NCMAP: variants seen among roughly 807,000 people sequenced by gnomAD.
The protein encoded by NCMAP is noncompact myelin-associated protein.
In NCMAP, 8 loss-of-function variants were observed where a neutral mutation model predicts 7.8. The ratio of observed to expected loss-of-function variants is 1.02; its 90% CI spans 0.60 to 1.84. The LOEUF (loss-of-function observed/expected upper bound fraction) is 1.84. Among genes scored for constraint, NCMAP ranks in the 40% most tolerant of loss-of-function variants. NCMAP has a pLI of 0.00. For synonymous variants in NCMAP, 41 were observed against 52.9 expected, an observed-to-expected ratio of 0.78 and a Z score of 0.98; for missense variants, 112 against 131.4, an observed-to-expected ratio of 0.85 and a Z score of 0.72.
At chr1:24,599,792 G>A (rs1195096874) in intron 2 of NCMAP, among the ~76,000 whole-genome samples, 3 of 135,984 alleles carry the variant, frequency 2.2e-5, no homozygotes, top group Non-Finnish European at 3.1e-5. Context: ...TGGTCAGGCT[G>A]GTCTCGAACT....
intron 2 of NCMAP, among the ~76,000 whole-genome samples, chr1:24,599,700 C>A (rs1041608038): frequency 2.6e-5 from 4 of 151,996 alleles, no homozygotes; most frequent in African/African-American, 9.7e-5. Context: ...GCCTCAGCCT[C>A]CTGAGTAGCT....
At chr1:24,583,441 C>T (rs1194390867) in intron 1 of NCMAP, among the ~76,000 whole-genome samples, 10 of 152,070 alleles carry the variant, frequency 6.6e-5, no homozygotes, top group East Asian at 3.9e-4. Flanking sequence ...TTGCCAGGCA[C>T]GGTGGCTCAT....
At chr1:24,592,617 T>C (rs1652080189) in intron 1 of NCMAP, among the ~76,000 whole-genome samples, 1 of 152,174 alleles carries the variant, frequency 6.6e-6, no homozygotes, top group African/African-American at 2.4e-5. Flanking sequence ...CTGATTTTTT[T>C]TCTTATAAAG....
rs149208051 is a variant in NCMAP at position 24,597,964 on chromosome 1, T to C, written c.82+2452T>C. On this transcript the variant is annotated intron_variant, in intron 2 of 3. Coordinates refer to ENST00000374392, the MANE Select transcript of NCMAP (RefSeq NM_001010980.5). ...TCTGGAGATATCTTAGTAGTCACAG[T>C]TTGGTGGGGGTGGGGGGAACTTGGA... Among the ~76,000 whole-genome samples, 393 of 151,938 alleles carry C rather than the reference T, an allele frequency of 2.6e-3. 1 individual carries two copies. Among genetic ancestry groups the C allele is most frequent in the Non-Finnish European group, 4.7e-3 (317 of 67,942 alleles).
At chr1:24,565,878 T>G (rs1651214362) in intron 1 of NCMAP, among the ~76,000 whole-genome samples, 2 of 152,122 alleles carry the variant, frequency 1.3e-5, no homozygotes, top group Admixed American at 1.3e-4. Context: ...AATCCCCACT[T>G]GTCAAGGGAG....
chr1:24,584,304 G>A (rs1355336251), intron 1 of NCMAP, among the ~76,000 whole-genome samples: 1 of 152,082 alleles, frequency 6.6e-6, no homozygotes, highest in Non-Finnish European at 1.5e-5. Flanking sequence ...AATGTCCACG[G>A]GTCTCTTCCT....
At chr1:24,579,198 T>G (rs1001064805) in intron 1 of NCMAP, among the ~76,000 whole-genome samples, 1 of 117,238 alleles carries the variant, frequency 8.5e-6, no homozygotes, top group East Asian at 3.0e-4. Flanking sequence ...AGGGTGGGGG[T>G]TTTTTTTTTT....
At chr1:24,579,694 A>T (rs1274987271) in intron 1 of NCMAP, among the ~76,000 whole-genome samples, 1 of 152,214 alleles carries the variant, frequency 6.6e-6, no homozygotes, top group Admixed American at 6.5e-5. Context: ...GCACCACTGC[A>T]CTCCAGCCTG....
In NCMAP at chr1:24,576,042, T is replaced by C. The variant is rs961163568; in HGVS notation, c.-7-19382T>C. Among the ~76,000 whole-genome samples the C allele has an allele frequency of 1.3e-5, 2 of 151,466 alleles. No individual in the cohort carries two copies. The highest frequency in any genetic ancestry group is 2.9e-5 in the Non-Finnish European group (2 of 67,926). ...AACTAGCTCCCTCATCCTGATCCTC[T>C]CTGCACAGCCGCATTGCCCCGTCCA... On this transcript the variant is annotated intron_variant, in intron 1 of 3. Transcript: ENST00000374392. This position sits in a 1 kb window ranked among gnomAD's most constrained non-coding sequence, Gnocchi z 4.0.
chr1:24,585,510 G>T (rs1421552868), intron 1 of NCMAP, among the ~76,000 whole-genome samples: 1 of 152,184 alleles, frequency 6.6e-6, no homozygotes. Flanking sequence ...ACTGGTTCTT[G>T]TGAAGCTATG....
intron 2 of NCMAP, 132 bp downstream of exon 2, chr1:24,595,644 A>T (rs1652198814): frequency 3.2e-6 from 2 of 624,522 alleles, no homozygotes; most frequent in Non-Finnish European, 5.7e-6. Context: ...CCACGTGCCA[A>T]CTGCAGCATT....
intron 3 of NCMAP, among the ~76,000 whole-genome samples, chr1:24,604,597 AAAAAAAAAATATATATATATATATATAT>A (rs1652632709): frequency 1.5e-5 from 1 of 66,222 alleles, no homozygotes; most frequent in Non-Finnish European, 2.5e-5. Flanking sequence ...AAAAAAAAAA[AAAAAAAAAATATATATATATATATATAT>A]ATATATATAT....
intron 1 of NCMAP, among the ~76,000 whole-genome samples, chr1:24,558,196 G>A (rs965276242): frequency 6.6e-6 from 1 of 152,226 alleles, no homozygotes; most frequent in East Asian, 1.9e-4. Context: ...GGCCAAGTTC[G>A]AAGCTTCTCC....
chr1:24,568,102 G>A (rs557948758), intron 1 of NCMAP, among the ~76,000 whole-genome samples: 3 of 152,262 alleles, frequency 2.0e-5, no homozygotes, highest in East Asian at 1.9e-4. Flanking sequence ...CCTGGAACAC[G>A]GGGCAACTCA....
At chr1:24,586,495 G>T (rs1036781674) in intron 1 of NCMAP, among the ~76,000 whole-genome samples, 4 of 152,174 alleles carry the variant, frequency 2.6e-5, no homozygotes, top group African/African-American at 7.2e-5. Flanking sequence ...GGGCACGGTG[G>T]CTCACGCCTG....
intron 1 of NCMAP, among the ~76,000 whole-genome samples, chr1:24,559,396 C>T (rs561934963): frequency 1.4e-4 from 21 of 152,122 alleles, no homozygotes; most frequent in South Asian, 8.3e-4. Context: ...GGGCAGGAGG[C>T]GGCAGGAAGA....
chr1:24,584,115 C>A (rs1651814775), intron 1 of NCMAP, among the ~76,000 whole-genome samples: 1 of 152,194 alleles, frequency 6.6e-6, no homozygotes. Flanking sequence ...GGGGCATAAA[C>A]CCATTAACCC....
At chr1:24,569,428 C>T (rs1027650453) in intron 1 of NCMAP, among the ~76,000 whole-genome samples, 1 of 150,648 alleles carries the variant, frequency 6.6e-6, no homozygotes, top group Non-Finnish European at 1.5e-5. Flanking sequence ...TTCCCACCCC[C>T]TCCTCCCCAG....
intron 3 of NCMAP, among the ~76,000 whole-genome samples, chr1:24,604,060 A>G (rs1324447261): frequency 6.6e-6 from 1 of 152,242 alleles, no homozygotes; most frequent in Non-Finnish European, 1.5e-5. Context: ...TCAAATTCAC[A>G]GCCTAAGAAG....
Sources: allele counts gnomAD v4.1 joint callset (sites outside exome capture counted in the v4.1 genomes callset), GRCh38; gene constraint gnomAD v4.1.1; non-coding constraint Gnocchi (gnomAD v3.1); transcripts MANE v1.5; gene names NCBI Gene and HGNC (gene_info 2026-07-23, HGNC 2026-07-21).